Variants in DNAI1 observed in about 807,000 individuals in gnomAD.
DNAI1 encodes dynein, axonemal, intermediate polypeptide 1.
A neutral mutation model predicts 92.0 loss-of-function variants in DNAI1; 67 were observed. That is an observed-to-expected ratio of 0.73 (90% CI 0.60 to 0.89). DNAI1 has a LOEUF of 0.89. Ranked by LOEUF, DNAI1 falls within the 40% of genes least tolerant of loss-of-function variation. The pLI is 0.00. For missense variants in DNAI1, 839 were observed against 866.6 expected, an observed-to-expected ratio of 0.97 and a Z score of 0.40; for synonymous variants, 323 against 319.6, an observed-to-expected ratio of 1.01 and a Z score of -0.11.
chr9:34,514,764 C>T, intron 18 of DNAI1, 25 bp downstream of exon 18: 1 of 1,610,124 alleles, frequency 6.2e-7, no homozygotes, highest in African/African-American at 1.3e-5. Flanking sequence ...CCTGACTTCA[C>T]TGAGTCCCTA....
intron 1 of DNAI1, among the ~76,000 whole-genome samples, chr9:34,474,432 T>C (rs1197887346): frequency 6.6e-6 from 1 of 151,874 alleles, no homozygotes. Context: ...AGATGAAGTC[T>C]CACTATGTTG....
intron 4 of DNAI1, among the ~76,000 whole-genome samples, chr9:34,488,864 A>G (rs567835422): frequency 1.6e-3 from 250 of 152,330 alleles, no homozygotes; most frequent in Non-Finnish European, 1.8e-3. Context: ...GTCCTCTTGT[A>G]TGGAACTAGG....
intron 15 of DNAI1, 128 bp from the exon 16 acceptor site, chr9:34,512,984 G>T (rs1310643958): frequency 1.2e-6 from 1 of 816,350 alleles, no homozygotes; most frequent in African/African-American, 1.7e-5. Flanking sequence ...AGGGGCCCTA[G>T]TTCAGTCTGT....
At chr9:34,482,177 G>C (rs1352527633) in intron 1 of DNAI1, among the ~76,000 whole-genome samples, 1 of 152,022 alleles carries the variant, frequency 6.6e-6, no homozygotes, top group African/African-American at 2.4e-5. Flanking sequence ...TAAACACAGG[G>C]TGCTGATTGG....
intron 8 of DNAI1, among the ~76,000 whole-genome samples, chr9:34,492,133 G>C (rs1824612576): frequency 6.6e-6 from 1 of 152,160 alleles, no homozygotes; most frequent in Non-Finnish European, 1.5e-5. Flanking sequence ...ATGACAAGCT[G>C]CCTCACAGAG....
In DNAI1 at chr9:34,506,710, A is replaced by G. The variant is rs1375457493; in HGVS notation, c.1147A>G (p.Asn383Asp). The stretch of plus-strand genomic sequence containing the variant: ...CTTCCCTGAGTACATGTTCAGCAGC[A>G]ACAGCGGCGTCATGTGTCTCGACAT... ...PSFPEYMFSSNSGVMCLDIHV... is the reference protein window; with the variant it reads ...PSFPEYMFSSDSGVMCLDIHV... Residue 383 changes from asparagine to aspartate, a missense_variant, in exon 13 of 20, where the codon AAC becomes GAC. Asn to Asp is a conservative substitution (Grantham distance 23). Coordinates refer to ENST00000242317, the MANE Select transcript of DNAI1 (RefSeq NM_012144.4). 1 of 1,614,098 alleles carries G rather than the reference A, an allele frequency of 6.2e-7. No homozygotes were observed. The highest frequency in any genetic ancestry group is 1.3e-5 in the African/African-American group (1 of 74,928).
At chr9:34,497,076 G>C (rs990925243) in intron 9 of DNAI1, 39 bp from the exon 10 acceptor site, 1 of 1,515,242 alleles carries the variant, frequency 6.6e-7, no homozygotes, top group Non-Finnish European at 9.2e-7. Context: ...CTTGCTAAGT[G>C]CTGGTTTATG....
At chr9:34,490,244 C>T (rs555419765) in intron 6 of DNAI1, 120 bp downstream of exon 6, 7 of 1,607,002 alleles carry the variant, frequency 4.4e-6, no homozygotes, top group East Asian at 4.5e-5. Flanking sequence ...CTGCAGGTGC[C>T]AATGTGTCTG....
At chr9:34,490,635 G>A in intron 7 of DNAI1, 147 bp downstream of exon 7, 1 of 1,211,654 alleles carries the variant, frequency 8.3e-7, no homozygotes, top group Non-Finnish European at 1.2e-6. Flanking sequence ...AAGGAGAGCT[G>A]AGAGCATGTG....
chr9:34,497,038 A>C (rs1177974374), intron 9 of DNAI1, 77 bp from the exon 10 acceptor site: 8 of 1,113,384 alleles, frequency 7.2e-6, no homozygotes, highest in African/African-American at 3.1e-5. Context: ...AATCAATTGC[A>C]AGGGTGACAT....
chr9:34,464,731 GC>G (rs1376222230), intron 1 of DNAI1, among the ~76,000 whole-genome samples: 2 of 152,208 alleles, frequency 1.3e-5, no homozygotes, highest in Admixed American at 6.5e-5. Context: ...TGTATTCTCA[GC>G]CCCTAAAACA....
intron 15 of DNAI1, 100 bp from the exon 16 acceptor site, chr9:34,513,012 G>A (rs1459112325): frequency 3.0e-5 from 29 of 958,954 alleles, no homozygotes; most frequent in Middle Eastern, 3.0e-4. Flanking sequence ...TGAGTCCTGC[G>A]CTGAGAGTGC....
chr9:34,469,619 C>T (rs1324712412), intron 1 of DNAI1, among the ~76,000 whole-genome samples: 3 of 152,164 alleles, frequency 2.0e-5, no homozygotes, highest in Admixed American at 6.5e-5. Context: ...ACTCTGTCGA[C>T]CAGGCTGGAG....
chr9:34,463,024 A>G (rs996467650), intron 1 of DNAI1, among the ~76,000 whole-genome samples: 1 of 152,220 alleles, frequency 6.6e-6, no homozygotes, highest in Non-Finnish European at 1.5e-5. Context: ...AAACTAAATC[A>G]GAGAAGTAGA....
intron 13 of DNAI1, 139 bp downstream of exon 13, chr9:34,507,013 G>T (rs1824948615): frequency 3.0e-6 from 4 of 1,352,314 alleles, no homozygotes; most frequent in African/African-American, 1.4e-5. Context: ...CAGGATCTGG[G>T]TGTCAGAAAA....
rs375988210 is a variant in DNAI1, at chr9:34,485,498, T to C, written c.242T>C (p.Ile81Thr). The C allele has an allele frequency of 2.5e-6, 4 of 1,613,962 alleles. No individual in the cohort carries two copies. The highest frequency in any genetic ancestry group is 2.2e-5 in the South Asian group (2 of 91,064). ...AACAACCCACACGCACCCCAGAACA[T>C]TGTCAGGTACAGCTTCAAAGTAAGT... is the stretch of plus-strand genomic sequence containing the variant. The part of the protein sequence containing the change: ...TANNPHAPQN[I>T]VRYSFKEGTY... The change falls in exon 4 of 20, where the codon ATT becomes ACT. Residue 81 changes from isoleucine (I) to threonine (T), a missense_variant. By Grantham distance (89) the Ile-to-Thr change is moderately conservative. Coordinates refer to ENST00000242317, the MANE Select transcript of DNAI1 (RefSeq NM_012144.4).
chr9:34,499,140 A>G (rs745812967), intron 10 of DNAI1, among the ~76,000 whole-genome samples: 1 of 152,250 alleles, frequency 6.6e-6, no homozygotes, highest in Non-Finnish European at 1.5e-5. Context: ...GAGAAGTGTT[A>G]CCAATTAATC....
chr9:34,514,248 G>A (rs917534205), intron 16 of DNAI1, 146 bp from the exon 17 acceptor site: 33 of 1,062,146 alleles, frequency 3.1e-5, no homozygotes, highest in East Asian at 1.7e-4. Flanking sequence ...AGGGTGGGAA[G>A]GGCAGCCAGG....
At chr9:34,506,216 G>C (rs960600314) in intron 12 of DNAI1, among the ~76,000 whole-genome samples, 5 of 152,146 alleles carry the variant, frequency 3.3e-5, no homozygotes, top group Non-Finnish European at 7.4e-5. Context: ...TATTTAGCTG[G>C]GGGGAGGGGT....
Sources: allele counts gnomAD v4.1 joint callset (sites outside exome capture counted in the v4.1 genomes callset), GRCh38; gene constraint gnomAD v4.1.1; transcripts MANE v1.5; gene names NCBI Gene and HGNC (gene_info 2026-07-23, HGNC 2026-07-21).